The following LMAN1L variants were observed in gnomAD, a reference collection of about 807,000 sequenced individuals.
The protein encoded by LMAN1L is protein ERGIC-53-like.
In LMAN1L, 60 loss-of-function variants were observed where a neutral mutation model predicts 58.3. The observed-to-expected ratio is 1.03, with a 90% CI of 0.84 to 1.27. LMAN1L has a LOEUF of 1.27. LMAN1L is among the 50% of genes most tolerant of loss of function. The pLI is 0.00. For missense variants in LMAN1L, 629 were observed against 674.0 expected, an observed-to-expected ratio of 0.93 and a Z score of 0.74; for synonymous variants, 280 against 271.6, an observed-to-expected ratio of 1.03 and a Z score of -0.31.
At chr15:74,821,783 AG>A in intron 9 of LMAN1L, 45 bp from the exon 10 acceptor site, 1 of 1,270,140 alleles carries the variant, frequency 7.9e-7, no homozygotes, top group Middle Eastern at 1.9e-4. Flanking sequence ...GGAAGAGGGG[AG>A]GGGACTTACA....
intron 2 of LMAN1L, 49 bp downstream of exon 2, chr15:74,816,360 G>T (rs1225387986): frequency 1.2e-6 from 2 of 1,603,414 alleles, no homozygotes; most frequent in East Asian, 2.2e-5. Context: ...TCAGGGAGGC[G>T]GGTGATGAGC....
In LMAN1L at chr15:74,819,861, C is replaced by T. The variant is rs1197602654; in HGVS notation, c.719-183C>T. On this transcript the variant is annotated intron_variant, in intron 6 of 13. Transcript: ENST00000309664. ...ACTGAGTGTGAGGTTCAACCCTCAC[C>T]ACCCACCCGTCTACCTGTCAACCCT... 4 of 651,476 alleles carry T rather than the reference C, an allele frequency of 6.1e-6. No individual in the cohort carries two copies. In the Admixed American group the frequency reaches 6.6e-5, roughly 11 times the overall value. 40.4% of individuals were successfully genotyped at this position (651,476 alleles called of 1,614,324 possible).
intron 12 of LMAN1L, 189 bp downstream of exon 12, chr15:74,823,871 TC>T (rs2063929106): frequency 1.6e-6 from 1 of 627,924 alleles, no homozygotes; most frequent in Non-Finnish European, 2.7e-6. Context: ...ACACATCTCA[TC>T]TTTTCTCTGT....
At position 74,824,227 on chromosome 15, in the gene LMAN1L, G is replaced by A. The variant is rs1596380943; in HGVS notation, c.1324-124G>A. On this transcript the variant is annotated intron_variant, in intron 12 of 13. Transcript: ENST00000309664. ...CACTGCCCCCTCTCCAAGTTCCCTG[G>A]ATGAGAGCCAGGACGCCCCAAGCCT... The A allele has an allele frequency of 3.4e-6, 3 of 894,016 alleles. No homozygotes were observed. In the East Asian group the frequency reaches 7.3e-5, roughly 22 times the overall value. 55.4% of individuals were successfully genotyped at this position (894,016 alleles called of 1,614,324 possible).
chr15:74,816,766 T>C, intron 4 of LMAN1L, 76 bp downstream of exon 4: 1 of 1,397,118 alleles, frequency 7.2e-7, no homozygotes. Context: ...TCCGAGCCCC[T>C]GCCCCAGCCT....
At chr15:74,820,955 T>A in intron 8 of LMAN1L, 120 bp from the exon 9 acceptor site, 3 of 1,352,120 alleles carry the variant, frequency 2.2e-6, no homozygotes, top group Non-Finnish European at 3.0e-6. Flanking sequence ...CAGGAGAGGG[T>A]CTTGGAGGCA....
chr15:74,821,721 C>T, intron 9 of LMAN1L, 108 bp from the exon 10 acceptor site: 1 of 731,564 alleles, frequency 1.4e-6, no homozygotes, highest in East Asian at 2.5e-5. Flanking sequence ...GCTCTGACAG[C>T]TCGAGGTTTT....
rs765135531 is a variant in LMAN1L at position 74,819,260 on chromosome 15, G to A, written c.706G>A (p.Gly236Ser). The A allele has an allele frequency of 1.1e-5, 17 of 1,614,132 alleles. No homozygotes were observed. Among genetic ancestry groups the A allele is most frequent in the East Asian group, 4.5e-5 (2 of 44,882 alleles). ...TTTCTTTGGGGTCTCAGCAGCCACC[G>A]GCACCCTGGCAGGTGAGGATCCCAC... ...GGFFGVSAAT[G>S]TLADDHDVLS... is the part of the protein sequence containing the mutation. Residue 236 changes from glycine to serine, a missense_variant, in exon 6 of 14, where the codon GGC (glycine) becomes AGC (serine). Physicochemically the swap from Gly to Ser is moderately conservative, Grantham distance 56. Transcript: ENST00000309664.
intron 11 of LMAN1L, 120 bp from the exon 12 acceptor site, chr15:74,823,439 A>G: frequency 3.5e-6 from 4 of 1,144,474 alleles, no homozygotes; most frequent in Non-Finnish European, 5.0e-6. Flanking sequence ...AAGGGGCCCC[A>G]TGGATGGTAC....
At chr15:74,817,936 C>G (rs1053758561) in intron 4 of LMAN1L, among the ~76,000 whole-genome samples, 1 of 151,452 alleles carries the variant, frequency 6.6e-6, no homozygotes, top group Non-Finnish European at 1.5e-5. Context: ...CCGCTTGAAC[C>G]CAGGAGGCAA....
intron 5 of LMAN1L, 63 bp downstream of exon 5, chr15:74,818,880 C>T: frequency 3.5e-6 from 5 of 1,425,392 alleles, no homozygotes; most frequent in Non-Finnish European, 3.9e-6. Context: ...TGTGCGTGCC[C>T]ACGGCCCCAA....
intron 4 of LMAN1L, 76 bp from the exon 5 acceptor site, chr15:74,818,642 C>T: frequency 8.9e-7 from 1 of 1,124,934 alleles, no homozygotes; most frequent in South Asian, 1.3e-5. Context: ...TGCAATGAGC[C>T]ACAACTGCAC....
In LMAN1L at chr15:74,818,786, C is replaced by T. The variant is rs748303363; in HGVS notation, c.566C>T (p.Ala189Val). 6.2e-7 allele frequency: 1 copy of T among 1,611,504 alleles called. No individual in the cohort carries two copies. Among genetic ancestry groups the T allele is most frequent in the Non-Finnish European group, 8.5e-7 (1 of 1,179,158 alleles). Reference protein sequence around the residue: ...DFRNRPHPFRARITYWGQRLR... With the variant: ...DFRNRPHPFRVRITYWGQRLR... ...CGGAACCGGCCACACCCCTTCAGAG[C>T]ACGGATCACCTACTGGGGGCAGAGG... is the stretch of plus-strand genomic sequence containing the variant. Residue 189 changes from alanine (A) to valine (V), a missense_variant, in exon 5 of 14, where the codon GCA becomes GTA. Coordinates refer to ENST00000309664, the MANE Select transcript of LMAN1L (RefSeq NM_021819.3).
At chr15:74,820,589 G>A in intron 7 of LMAN1L, 46 bp from the exon 8 acceptor site, 1 of 1,611,142 alleles carries the variant, frequency 6.2e-7, no homozygotes, top group Non-Finnish European at 8.5e-7. Flanking sequence ...CTTGCTTCTG[G>A]ATCTCCCATG....
At chr15:74,825,304 C>T in intron 13 of LMAN1L, 172 bp from the exon 14 acceptor site, 1 of 664,116 alleles carries the variant, frequency 1.5e-6, no homozygotes, top group Non-Finnish European at 2.6e-6. Flanking sequence ...ACCTTACATG[C>T]CCAGGGGGAA....
intron 4 of LMAN1L, among the ~76,000 whole-genome samples, chr15:74,817,750 G>C (rs996224897): frequency 6.6e-6 from 1 of 152,168 alleles, no homozygotes; most frequent in African/African-American, 2.4e-5. Flanking sequence ...AGTGGCTCAC[G>C]CCTGTAATCC....
intron 5 of LMAN1L, 146 bp downstream of exon 5, chr15:74,818,963 C>A: frequency 1.0e-6 from 1 of 984,210 alleles, no homozygotes; most frequent in South Asian, 1.6e-5. Flanking sequence ...ATCCTCCATC[C>A]CTACACAGAA....
intron 13 of LMAN1L, 146 bp downstream of exon 13, chr15:74,824,624 G>A (rs1163655357): frequency 8.6e-6 from 8 of 935,168 alleles, no homozygotes; most frequent in Non-Finnish European, 1.1e-5. Flanking sequence ...GCGGGATAGG[G>A]CCCATTCTCT....
chr15:74,813,215 C>T, intron 1 of LMAN1L, 186 bp downstream of exon 1: 1 of 672,340 alleles, frequency 1.5e-6, no homozygotes, highest in Non-Finnish European at 2.7e-6. Flanking sequence ...TCAACACCCC[C>T]CACCCCTGCC....
Sources: gnomAD v4.1 joint callset for allele counts (sites outside exome capture counted in the v4.1 genomes callset) on GRCh38, gnomAD v4.1.1 for gene constraint, MANE v1.5 for transcripts, NCBI Gene and HGNC (gene_info 2026-07-23, HGNC 2026-07-21) for gene names.